The following ST3GAL6 variants were observed in gnomAD, a reference collection of about 807,000 sequenced individuals.
The protein encoded by ST3GAL6 is type 2 lactosamine alpha-2,3-sialyltransferase.
A neutral mutation model predicts 40.5 loss-of-function variants in ST3GAL6; 31 were observed. That is an observed-to-expected ratio of 0.77 (90% CI 0.58 to 1.03). The LOEUF (loss-of-function observed/expected upper bound fraction) is 1.03, where lower values mean the gene tolerates loss of function less well. Ranked by LOEUF, ST3GAL6 falls within the 50% of genes least tolerant of loss-of-function variation. The pLI is 0.00. For synonymous variants in ST3GAL6, 129 were observed against 136.9 expected, an observed-to-expected ratio of 0.94 and a Z score of 0.40; for missense variants, 357 against 393.2, an observed-to-expected ratio of 0.91 and a Z score of 0.78.
intron 1 of ST3GAL6, among the ~76,000 whole-genome samples, chr3:98,744,908 C>T (rs1007100281): frequency 6.6e-6 from 1 of 152,100 alleles, no homozygotes; most frequent in Admixed American, 6.5e-5. Context: ...GTTTAAAAAG[C>T]AGCCCAACAA....
chr3:98,751,944 A>G (rs960116934), intron 1 of ST3GAL6, among the ~76,000 whole-genome samples: 7 of 152,226 alleles, frequency 4.6e-5, no homozygotes, highest in Middle Eastern at 3.2e-3. Flanking sequence ...GTTTAAGGGC[A>G]TTAGAGTTCA....
chr3:98,771,954 T>C (rs1335661841), intron 3 of ST3GAL6, among the ~76,000 whole-genome samples: 2 of 152,208 alleles, frequency 1.3e-5, no homozygotes, highest in African/African-American at 4.8e-5. Flanking sequence ...ATGTACTGTG[T>C]TCTGTTCCAT....
At position 98,768,436 on chromosome 3, in the gene ST3GAL6, C is replaced by G. The variant is rs1559739357; in HGVS notation, c.-5C>G. ...TTCATTCCTTGTGTTTCAGGTGAGC[C>G]AGCCATGAGAGGGTATCTTGTGGCC... On this transcript the variant is annotated 5_prime_UTR_variant, in exon 2 of 10. Coordinates refer to ENST00000483910, the MANE Select transcript of ST3GAL6 (RefSeq NM_001323368.2). 6 of 1,613,338 alleles carry G rather than the reference C, an allele frequency of 3.7e-6. No individual in the cohort carries two copies. The South Asian group carries it at 6.6e-5, about 18-fold the overall frequency.
upstream of ST3GAL6, chr3:98,762,644 A>G (rs943998232): frequency 2.6e-6 from 1 of 388,836 alleles, no homozygotes; most frequent in Admixed American, 6.4e-5. Flanking sequence ...TGATAAATGC[A>G]TAATTTAATG....
intron 9 of ST3GAL6, 102 bp from the exon 10 acceptor site, chr3:98,793,573 G>T: frequency 3.1e-6 from 2 of 640,610 alleles, no homozygotes; most frequent in South Asian, 3.4e-5. Flanking sequence ...CTTAACATTC[G>T]AGTTCTTTAT....
At chr3:98,769,744 G>A (rs1370026968) in intron 2 of ST3GAL6, among the ~76,000 whole-genome samples, 1 of 152,192 alleles carries the variant, frequency 6.6e-6, no homozygotes, top group African/African-American at 2.4e-5. Flanking sequence ...CCTTAAAAAT[G>A]ATTTAAGACA....
chr3:98,758,952 G>A (rs1937565723), upstream of ST3GAL6, among the ~76,000 whole-genome samples: 1 of 152,138 alleles, frequency 6.6e-6, no homozygotes, highest in African/African-American at 2.4e-5. Context: ...AAAAAGATTA[G>A]GCAAATTCCC....
chr3:98,748,014 T>C (rs561954009), intron 1 of ST3GAL6, among the ~76,000 whole-genome samples: 18 of 152,324 alleles, frequency 1.2e-4, no homozygotes, highest in African/African-American at 4.3e-4. Flanking sequence ...CTATTAATGT[T>C]TTTGTGATAA....
At chr3:98,744,682 A>G (rs1275575199) in intron 1 of ST3GAL6, among the ~76,000 whole-genome samples, 1 of 151,826 alleles carries the variant, frequency 6.6e-6, no homozygotes, top group Non-Finnish European at 1.5e-5. Context: ...ATCCTCCTAG[A>G]CCAGATTGGG....
chr3:98,735,682 C>T (rs913513139), intron 1 of ST3GAL6, among the ~76,000 whole-genome samples: 16 of 152,198 alleles, frequency 1.1e-4, no homozygotes, highest in Non-Finnish European at 1.9e-4. Context: ...TCCTGTCTGT[C>T]CCAACTGTGA....
Position 98,770,858 on chromosome 3 carries a change from G to A in ST3GAL6, c.90-21G>A, listed in dbSNP as rs777502347. ...GGGTGCCCGATTCTGGTTTCTGACT[G>A]ACATTATTTTTGTCTCATAGGGTGG... On this transcript the variant is annotated intron_variant, in intron 2 of 9. Coordinates refer to ENST00000483910, the MANE Select transcript of ST3GAL6 (RefSeq NM_001323368.2). 17 of 1,611,908 alleles carry A rather than the reference G, an allele frequency of 1.1e-5. No homozygotes were observed. In the South Asian group the frequency reaches 1.9e-4, roughly 18 times the overall value.
At chr3:98,762,169 T>C (rs1203087873), upstream of ST3GAL6, among the ~76,000 whole-genome samples, 2 of 152,206 alleles carry the variant, frequency 1.3e-5, no homozygotes, top group Non-Finnish European at 2.9e-5. Context: ...ACCAGCTTCA[T>C]ATCATTGTAT....
chr3:98,736,695 T>C (rs1481319640), intron 1 of ST3GAL6, among the ~76,000 whole-genome samples: 2 of 152,072 alleles, frequency 1.3e-5, no homozygotes, highest in Admixed American at 6.6e-5. Flanking sequence ...TAACAAGAGA[T>C]GTTCTTGTGG....
intron 5 of ST3GAL6, among the ~76,000 whole-genome samples, chr3:98,779,018 C>T (rs1939817484): frequency 1.3e-5 from 2 of 152,130 alleles, no homozygotes; most frequent in South Asian, 4.1e-4. Flanking sequence ...GAATGGTGCT[C>T]CCGGACATTG....
chr3:98,793,442 G>A (rs988300983), intron 9 of ST3GAL6, among the ~76,000 whole-genome samples: 1 of 152,232 alleles, frequency 6.6e-6, no homozygotes, highest in Non-Finnish European at 1.5e-5. Flanking sequence ...ATATGAAGGA[G>A]TCTTACTTAT....
chr3:98,746,788 T>C (rs1303935576), intron 1 of ST3GAL6, among the ~76,000 whole-genome samples: 1 of 152,214 alleles, frequency 6.6e-6, no homozygotes, highest in East Asian at 1.9e-4. Flanking sequence ...ATGTTATAGT[T>C]TGATACATTC....
At chr3:98,752,373 T>C (rs1326724053) in intron 1 of ST3GAL6, among the ~76,000 whole-genome samples, 1 of 152,162 alleles carries the variant, frequency 6.6e-6, no homozygotes, top group East Asian at 1.9e-4. Flanking sequence ...AATCTTAATA[T>C]TTCAGATTTT....
At chr3:98,749,631 G>A (rs1576043603) in intron 1 of ST3GAL6, among the ~76,000 whole-genome samples, 1 of 152,192 alleles carries the variant, frequency 6.6e-6, no homozygotes, top group Non-Finnish European at 1.5e-5. Context: ...AATATCAGAT[G>A]AAATGTTATT....
chr3:98,745,342 G>GT (rs958462688), intron 1 of ST3GAL6, among the ~76,000 whole-genome samples: 7 of 152,108 alleles, frequency 4.6e-5, no homozygotes, highest in Admixed American at 1.3e-4. Context: ...GAACTTATCT[G>GT]TTTTTTATTT....
Sources: allele counts gnomAD v4.1 joint callset (sites outside exome capture counted in the v4.1 genomes callset), GRCh38; gene constraint gnomAD v4.1.1; transcripts MANE v1.5; gene names NCBI Gene and HGNC (gene_info 2026-07-23, HGNC 2026-07-21).